The following PBK variants were observed in gnomAD, a reference collection of about 807,000 sequenced individuals.
PBK encodes the protein PDZ binding kinase, also known as lymphokine-activated killer T-cell-originated protein kinase.
PBK carries 22 observed loss-of-function variants against 33.5 expected under a neutral mutation model. The observed-to-expected ratio is 0.66, with a 90% confidence interval of 0.47 to 0.94. The LOEUF is 0.94. Among genes scored for constraint, PBK ranks in the 40% least tolerant of loss-of-function variants. The probability of loss-of-function intolerance (pLI) is 0.00; values close to 1 mark genes in which losing one functional copy is unlikely to be tolerated. For missense variants in PBK, 376 were observed against 383.4 expected (o/e 0.98, Z 0.16); for synonymous variants, 129 against 123.8 (o/e 1.04, Z -0.28).
chr8:27,835,600 G>A (rs1806213063), intron 1 of PBK, among the ~76,000 whole-genome samples: 1 of 150,602 alleles, frequency 6.6e-6, no homozygotes, highest in Admixed American at 6.6e-5. Context: ...TGCCCAGGCT[G>A]GGGTGCAATG....
intron 1 of PBK, 105 bp from the exon 2 acceptor site, chr8:27,833,238 T>C (rs1806163545): frequency 3.5e-6 from 2 of 565,810 alleles, no homozygotes; most frequent in African/African-American, 1.9e-5. Context: ...ATGCCTGTAA[T>C]CCCAGCACTT....
chr8:27,821,654 C>G (rs750649863), intron 5 of PBK, among the ~76,000 whole-genome samples: 1 of 152,118 alleles, frequency 6.6e-6, no homozygotes, highest in Non-Finnish European at 1.5e-5. Flanking sequence ...GTTAACTAAT[C>G]CTACATACTT....
intron 1 of PBK, among the ~76,000 whole-genome samples, chr8:27,834,631 C>T (rs950787472): frequency 2.8e-4 from 43 of 152,134 alleles, no homozygotes; most frequent in African/African-American, 4.8e-4. Context: ...TGGTGGCTCA[C>T]GCCTGTAATC....
chr8:27,833,872 A>C (rs1806178370), intron 1 of PBK, among the ~76,000 whole-genome samples: 1 of 152,206 alleles, frequency 6.6e-6, no homozygotes, highest in Admixed American at 6.5e-5. Context: ...TCTGCATCAG[A>C]TGATGAATGG....
At chr8:27,830,416 C>T (rs1026011624) in intron 2 of PBK, among the ~76,000 whole-genome samples, 1 of 151,880 alleles carries the variant, frequency 6.6e-6, no homozygotes, top group African/African-American at 2.4e-5. Flanking sequence ...GACAGAGCAA[C>T]AAAAACTATC....
At chr8:27,821,826 T>C (rs1489383136) in intron 5 of PBK, among the ~76,000 whole-genome samples, 2 of 150,762 alleles carry the variant, frequency 1.3e-5, no homozygotes, top group African/African-American at 4.8e-5. Context: ...TATAAGGATG[T>C]TTTGGTCAAT....
chr8:27,835,144 C>T (rs1328453452), intron 1 of PBK, among the ~76,000 whole-genome samples: 2 of 151,906 alleles, frequency 1.3e-5, no homozygotes, highest in Non-Finnish European at 2.9e-5. Context: ...TTTTATAGAG[C>T]CCTTAATAAT....
chr8:27,828,744 C>CAAAAAAAA (rs34388320), intron 2 of PBK, among the ~76,000 whole-genome samples: 12 of 82,592 alleles, frequency 1.5e-4, no homozygotes, highest in African/African-American at 3.3e-4. Flanking sequence ...GACACAGTCT[C>CAAAAAAAA]AAAAAAAAAA....
Position 27,833,138 on chromosome 8 carries a change from G to T in PBK, c.-20-5C>A. 6.7e-7 allele frequency: 1 copy of T among 1,498,286 alleles called. No homozygotes were observed. The highest frequency in any genetic ancestry group is 9.1e-7 in the Non-Finnish European group (1 of 1,098,918). The allele number at this position is 1,498,286 out of a possible 1,614,324, so 92.8% of individuals were successfully genotyped here. ...TTGTGAAAGCCACTCTCAGTCCTAC[G>T]ATGAAAACAAATTGCAAGTTACACA... is the stretch of plus-strand genomic sequence containing the variant. On this transcript the variant is annotated splice_polypyrimidine_tract_variant and splice_region_variant and intron_variant, in intron 1 of 7. Transcript: ENST00000301905.
intron 6 of PBK, among the ~76,000 whole-genome samples, chr8:27,815,953 G>A (rs555811316): frequency 1.8e-4 from 28 of 152,324 alleles, no homozygotes; most frequent in African/African-American, 6.7e-4. Context: ...GGTTGATACA[G>A]AAACAGTTTA....
chr8:27,822,360 T>G lies in PBK; in HGVS notation c.424A>C (p.Ile142Leu), dbSNP rs755045401. 1.9e-6 allele frequency: 3 copies of G among 1,613,212 alleles called. No homozygotes were observed. Among genetic ancestry groups the G allele is most frequent in the Non-Finnish European group, 2.5e-6 (3 of 1,179,706 alleles). ...ATATTCAAAGCAACTTTTAAAATTA[T>G]GGCTGCTGGAAAAGGATCTTGGCTG... is the stretch of plus-strand genomic sequence containing the variant. ...KASQDPFPAA[I>L]ILKVALNMAR... The change falls in exon 5 of 8, where the codon ATA becomes CTA. Residue 142 changes from isoleucine to leucine, a missense_variant. Coordinates refer to ENST00000301905, the MANE Select transcript of PBK (RefSeq NM_018492.4).
intron 6 of PBK, among the ~76,000 whole-genome samples, chr8:27,813,462 G>C (rs1805739556): frequency 6.6e-6 from 1 of 152,040 alleles, no homozygotes; most frequent in Non-Finnish European, 1.5e-5. Context: ...AAACAATTTT[G>C]TTAATATGGT....
intron 5 of PBK, among the ~76,000 whole-genome samples, chr8:27,822,003 A>C (rs1585428362): frequency 6.6e-6 from 1 of 152,166 alleles, no homozygotes; most frequent in East Asian, 1.9e-4. Flanking sequence ...GCCTAGGAGA[A>C]CTGGGCTATA....
At chr8:27,828,231 TAAAAAA>T (rs1806064588) in intron 2 of PBK, 33 bp from the exon 3 acceptor site, 1 of 969,616 alleles carries the variant, frequency 1.0e-6, no homozygotes, top group African/African-American at 1.7e-5. Context: ...ATAAAATTAA[TAAAAAA>T]TAAAAATAAA....
Position 27,827,985 on chromosome 8 carries a change from CCAGGAT to C in PBK, c.152+114_152+119del, listed in dbSNP as rs1585432615. Reference sequence around the variant, plus strand: ...CTAGGGACCGGAATACAGCCATCAGCCAGGATCAGGAGCAGACAACCGAATCTAAAT... The same window carrying C: ...CTAGGGACCGGAATACAGCCATCAGCCAGGAGCAGACAACCGAATCTAAAT... On this transcript the variant is annotated intron_variant, in intron 3 of 7. Coordinates refer to ENST00000301905, the MANE Select transcript of PBK (RefSeq NM_018492.4). 7.2e-6 allele frequency: 4 copies of C among 553,226 alleles called. No individual in the cohort carries two copies. The East Asian group carries it at 1.1e-4, about 16-fold the overall frequency. 34.3% of individuals were successfully genotyped at this position (553,226 alleles called of 1,614,324 possible).
At chr8:27,832,543 C>T (rs1585436153) in intron 2 of PBK, among the ~76,000 whole-genome samples, 1 of 152,100 alleles carries the variant, frequency 6.6e-6, no homozygotes, top group African/African-American at 2.4e-5. Flanking sequence ...GAGTTTAGGA[C>T]GGTTGCAGGA....
chr8:27,819,491 C>A (rs1805878704), intron 6 of PBK, among the ~76,000 whole-genome samples: 1 of 151,904 alleles, frequency 6.6e-6, no homozygotes, highest in African/African-American at 2.4e-5. Context: ...GTTTTAAATT[C>A]CTAAAAAGTT....
chr8:27,817,019 C>T (rs1020611406), intron 6 of PBK, among the ~76,000 whole-genome samples: 4 of 152,020 alleles, frequency 2.6e-5, no homozygotes, highest in Non-Finnish European at 1.5e-5. Flanking sequence ...TTGAAGTGAT[C>T]AGAGGCAAAT....
At chr8:27,829,153 G>C (rs1806081647) in intron 2 of PBK, among the ~76,000 whole-genome samples, 1 of 152,196 alleles carries the variant, frequency 6.6e-6, no homozygotes, top group East Asian at 1.9e-4. Flanking sequence ...TTCTCTTTGA[G>C]TGTTTGGCCA....
Sources: allele counts gnomAD v4.1 joint callset (sites outside exome capture counted in the v4.1 genomes callset), GRCh38; gene constraint gnomAD v4.1.1; transcripts MANE v1.5; gene names NCBI Gene and HGNC (gene_info 2026-07-23, HGNC 2026-07-21).